The following ARB2A variants were observed in gnomAD, a reference collection of about 807,000 sequenced individuals.
ARB2A encodes ARB2 cotranscriptional regulator A.
chr5:93,831,606 G>C, the ARB2A span, among the ~76,000 whole-genome samples: 2 of 152,118 alleles, frequency 1.3e-5, no homozygotes, highest in African/African-American at 2.4e-5. Context: ...TACTCCTCAG[G>C]GTGGTAGCAG....
At chr5:94,093,132 T>C in the ARB2A span, among the ~76,000 whole-genome samples, 7 of 152,184 alleles carry the variant, frequency 4.6e-5, no homozygotes, top group African/African-American at 7.2e-5. Context: ...AAAGTCTTCA[T>C]TGAGGTCCTT....
the ARB2A span, chr5:94,111,571 G>C: frequency 6.6e-6 from 1 of 152,292 alleles, no homozygotes; most frequent in Non-Finnish European, 1.5e-5. Flanking sequence ...TGGCCTTCCA[G>C]TTCGCCAGTC....
At chr5:93,880,964 T>G in the ARB2A span, among the ~76,000 whole-genome samples, 2 of 151,742 alleles carry the variant, frequency 1.3e-5, no homozygotes, top group Non-Finnish European at 3.0e-5. Context: ...TGTAGATAGT[T>G]GCTCATCGTA....
At chr5:93,710,486 A>C in the ARB2A span, among the ~76,000 whole-genome samples, 1 of 152,238 alleles carries the variant, frequency 6.6e-6, no homozygotes, top group African/African-American at 2.4e-5. Context: ...GTCAGAAAAT[A>C]CTAAGTGATA....
the ARB2A span, chr5:93,621,206 A>C: frequency 7.2e-7 from 1 of 1,383,116 alleles, no homozygotes; most frequent in Non-Finnish European, 9.5e-7. Context: ...GGCCAGGCCG[A>C]GCCCCGGCTC....
chr5:93,861,601 ACTTTTT>A, the ARB2A span: 4 of 152,244 alleles, frequency 2.6e-5, no homozygotes, highest in African/African-American at 4.8e-5. Flanking sequence ...GGTTGAAGGT[ACTTTTT>A]CTTTAACGTC....
At chr5:94,059,700 T>G in the ARB2A span, among the ~76,000 whole-genome samples, 1 of 151,246 alleles carries the variant, frequency 6.6e-6, no homozygotes, top group Non-Finnish European at 1.5e-5. Flanking sequence ...ACAAAAGACT[T>G]TTCAGGAGCT....
chr5:93,793,151 T>C, the ARB2A span, among the ~76,000 whole-genome samples: 4 of 150,948 alleles, frequency 2.6e-5, no homozygotes, highest in South Asian at 4.2e-4. Flanking sequence ...CAGCTTACTG[T>C]AACTTTAAAC....
At chr5:93,893,953 C>A in the ARB2A span, among the ~76,000 whole-genome samples, 1 of 152,152 alleles carries the variant, frequency 6.6e-6, no homozygotes, top group Non-Finnish European at 1.5e-5. Flanking sequence ...AAGACTCTTA[C>A]TTCTAATAGG....
chr5:93,804,040 C>T, the ARB2A span, among the ~76,000 whole-genome samples: 2 of 151,924 alleles, frequency 1.3e-5, no homozygotes, highest in African/African-American at 4.8e-5. Context: ...TGAACATACC[C>T]ATAAATACAT....
chr5:93,911,043 CCT>C, the ARB2A span: 1 of 151,452 alleles, frequency 6.6e-6, no homozygotes, highest in Non-Finnish European at 1.5e-5. Flanking sequence ...TCCCCTGAAT[CCT>C]CTCATTGTTG....
At chr5:94,019,268 A>G in the ARB2A span, among the ~76,000 whole-genome samples, 94 of 152,348 alleles carry the variant, frequency 6.2e-4, 1 homozygote, top group African/African-American at 2.2e-3. Context: ...CTTCATGACT[A>G]AAACACCAAA....
chr5:93,830,309 G>GTATATATA, the ARB2A span, among the ~76,000 whole-genome samples: 80 of 49,620 alleles, frequency 1.6e-3, no homozygotes, highest in African/African-American at 6.5e-3. Flanking sequence ...ATGTGTGTGT[G>GTATATATA]TGTATATATA....
At chr5:93,620,867 G>T in the ARB2A span, 4 of 1,374,292 alleles carry the variant, frequency 2.9e-6, no homozygotes, top group African/African-American at 2.9e-5. Flanking sequence ...TATATATCAC[G>T]ACCCTGGGCT....
At chr5:93,930,781 A>C in the ARB2A span, among the ~76,000 whole-genome samples, 8 of 152,158 alleles carry the variant, frequency 5.3e-5, no homozygotes, top group African/African-American at 1.9e-4. Context: ...TGAAAGGCAA[A>C]ACTGTTGTTA....
At chr5:93,678,713 G>A in the ARB2A span, among the ~76,000 whole-genome samples, 1 of 151,812 alleles carries the variant, frequency 6.6e-6, no homozygotes, top group African/African-American at 2.4e-5. Flanking sequence ...CAGAGAGCGG[G>A]CCATTACACT....
the ARB2A span, among the ~76,000 whole-genome samples, chr5:93,944,574 T>A: frequency 6.9e-6 from 1 of 144,748 alleles, no homozygotes; most frequent in African/African-American, 2.6e-5. Flanking sequence ...ACACTCTGCC[T>A]CATGAAAAGA....
chr5:93,824,577 A>G, the ARB2A span, among the ~76,000 whole-genome samples: 1 of 152,130 alleles, frequency 6.6e-6, no homozygotes, highest in South Asian at 2.1e-4. Flanking sequence ...CTCCTAAAGA[A>G]CTCCGGGTCC....
the ARB2A span, among the ~76,000 whole-genome samples, chr5:93,864,746 T>C: frequency 1.3e-5 from 2 of 152,192 alleles, no homozygotes; most frequent in Admixed American, 1.3e-4. Flanking sequence ...ACTAATGATA[T>C]ATCACTAGTT....
Sources: allele counts gnomAD v4.1 joint callset (sites outside exome capture counted in the v4.1 genomes callset), GRCh38; gene constraint gnomAD v4.1.1; transcripts MANE v1.5; gene names NCBI Gene and HGNC (gene_info 2026-07-23, HGNC 2026-07-21).